The following CDKL5 variants were observed in gnomAD, a reference collection of about 807,000 sequenced individuals.
CDKL5 encodes cyclin-dependent kinase-like 5.
CDKL5 carries 8 observed loss-of-function variants against 61.7 expected under a neutral mutation model. The observed-to-expected ratio is 0.13, with a 90% CI of 0.08 to 0.23. The LOEUF (loss-of-function observed/expected upper bound fraction) is 0.23, where lower values mean the gene tolerates loss of function less well. Among genes scored for constraint, CDKL5 ranks in the 10% least tolerant of loss-of-function variants. CDKL5 has a pLI of 1.00. For synonymous variants in CDKL5, 275 were observed against 272.3 expected, an observed-to-expected ratio of 1.01 and a Z score of -0.10; for missense variants, 440 against 734.5, an observed-to-expected ratio of 0.60 and a Z score of 4.63.
chrX:18,650,685 C>A, intron 21 of CDKL5: 1 of 994,579 alleles, frequency 1.0e-6, no homozygotes, highest in Non-Finnish European at 1.4e-6. Context: ...CAGGCCACAC[C>A]CCCAGGGATT....
chrX:18,649,349 C>G (rs1174649669), intron 20 of CDKL5, among the ~76,000 whole-genome samples: 1 of 111,841 alleles, frequency 8.9e-6, no homozygotes, highest in Non-Finnish European at 1.9e-5. Flanking sequence ...ATCCTCCCAC[C>G]TCATTCTCCT....
chrX:18,643,427 G>T (rs1036629593), downstream of CDKL5, among the ~76,000 whole-genome samples: 4 of 111,331 alleles, frequency 3.6e-5, no homozygotes, highest in African/African-American at 1.3e-4. Flanking sequence ...CAGGAGCCAG[G>T]TGAAGAGAGG....
intron 14 of CDKL5, among the ~76,000 whole-genome samples, chrX:18,612,666 AAAG>A (rs1231247564): frequency 9.3e-6 from 1 of 107,917 alleles, no homozygotes; most frequent in African/African-American, 3.4e-5. Flanking sequence ...AAAAAAAAAA[AAAG>A]AGAGAGAGAA....
intron 3 of CDKL5, among the ~76,000 whole-genome samples, chrX:18,553,225 A>G (rs199682338): frequency 9.0e-6 from 1 of 111,297 alleles, no homozygotes; most frequent in African/African-American, 3.3e-5. Flanking sequence ...ACTGAGATAT[A>G]TGGGACAGGA....
intron 1 of CDKL5, among the ~76,000 whole-genome samples, chrX:18,427,194 G>T (rs1200372113): frequency 1.8e-5 from 2 of 110,375 alleles, no homozygotes; most frequent in Non-Finnish European, 3.8e-5. Flanking sequence ...AGAATTTTTG[G>T]CGTTGACACT....
intron 2 of CDKL5, among the ~76,000 whole-genome samples, chrX:18,509,197 G>GCACACGCGCACACA (rs1555940192): frequency 3.6e-4 from 23 of 64,314 alleles, no homozygotes; most frequent in African/African-American, 1.2e-3. Context: ...CTCAAAACAC[G>GCACACGCGCACACA]CACACACACA....
intron 1 of CDKL5, among the ~76,000 whole-genome samples, chrX:18,496,800 A>G (rs1922189756): frequency 9.0e-6 from 1 of 110,545 alleles, no homozygotes; most frequent in South Asian, 3.9e-4. Flanking sequence ...GCCTGACCTT[A>G]GGTGTTGTTT....
chrX:18,618,183 C>A (rs565853727), intron 15 of CDKL5, among the ~76,000 whole-genome samples: 1 of 111,960 alleles, frequency 8.9e-6, no homozygotes, highest in Non-Finnish European at 1.9e-5. Flanking sequence ...GCTGGATTGG[C>A]AGAAAGCACT....
chrX:18,618,415 T>C (rs1452650642), intron 15 of CDKL5, among the ~76,000 whole-genome samples: 1 of 111,678 alleles, frequency 9.0e-6, no homozygotes, highest in Admixed American at 9.5e-5. Flanking sequence ...TCTCTGAGGC[T>C]CCTTTCCATC....
chrX:18,476,047 TTGAG>T (rs749526601), intron 1 of CDKL5, among the ~76,000 whole-genome samples: 5 of 112,041 alleles, frequency 4.5e-5, no homozygotes, highest in Admixed American at 1.9e-4. Flanking sequence ...GATAGGTTTC[TTGAG>T]TATTTTCTCT....
chrX:18,603,893 T>C lies in CDKL5; in HGVS notation c.978-9T>C. ...GGAAACTGATATACTTCTTTTGTTTTTAACATAGAAACCAAGCCGGCAAAA... is the reference window on the plus strand; with the variant it reads ...GGAAACTGATATACTTCTTTTGTTTCTAACATAGAAACCAAGCCGGCAAAA... On this transcript the variant is annotated splice_polypyrimidine_tract_variant and intron_variant, in intron 11 of 17. Coordinates refer to ENST00000623535, the MANE Select transcript of CDKL5 (RefSeq NM_001323289.2). The C allele has an allele frequency of 8.3e-7, 1 of 1,210,857 alleles. No individual in the cohort carries two copies. Among genetic ancestry groups the C allele is most frequent in the Non-Finnish European group, 1.1e-6 (1 of 894,623 alleles).
At chrX:18,538,031 G>T (rs763223704) in intron 3 of CDKL5, among the ~76,000 whole-genome samples, 4 of 111,790 alleles carry the variant, frequency 3.6e-5, no homozygotes, top group Admixed American at 9.5e-5. Context: ...TTTCCAGACT[G>T]GCTGTACAAT....
intron 1 of CDKL5, among the ~76,000 whole-genome samples, chrX:18,448,858 T>G (rs992396531): frequency 3.6e-5 from 4 of 111,752 alleles, no homozygotes; most frequent in Non-Finnish European, 7.5e-5. Flanking sequence ...TTTTTTAAAT[T>G]TATTTATTTA....
intron 3 of CDKL5, among the ~76,000 whole-genome samples, chrX:18,552,237 CA>C (rs777290725): frequency 3.6e-3 from 139 of 38,735 alleles, no homozygotes; most frequent in Admixed American, 0.011. Context: ...GACTCCGTCT[CA>C]AAAAAAAAAA....
Position 18,630,587 on chromosome X carries a change from C to G in CDKL5, c.*1830C>G, listed in dbSNP as rs1371952493. On this transcript the variant is annotated 3_prime_UTR_variant, in exon 18 of 18. Coordinates refer to ENST00000623535, the MANE Select transcript of CDKL5 (RefSeq NM_001323289.2). ...ATTATAAAGACTAAGGTCCTAGTTT[C>G]CCTGAAGCTTAAATTGTGCACATAT... 1 of 747,256 alleles carries G rather than the reference C, an allele frequency of 1.3e-6. No individual in the cohort carries two copies. Among genetic ancestry groups the G allele is most frequent in the Non-Finnish European group, 1.6e-6 (1 of 635,680 alleles). 61.6% of individuals were successfully genotyped at this position (747,256 alleles called of 1,213,427 possible). A position where few individuals can be genotyped will look rare whatever the true frequency, so the allele number is the denominator to read the frequency against.
intron 1 of CDKL5, among the ~76,000 whole-genome samples, chrX:18,431,274 G>C (rs979495882): frequency 8.9e-6 from 1 of 111,919 alleles, no homozygotes; most frequent in African/African-American, 3.2e-5. Context: ...ATCTTTTTCT[G>C]TAATCGATTA....
chrX:18,595,773 A>ATGGTATTTG (rs1925972498), intron 10 of CDKL5, among the ~76,000 whole-genome samples: 1 of 112,071 alleles, frequency 8.9e-6, no homozygotes, highest in Non-Finnish European at 1.9e-5. Flanking sequence ...ATTTTTTCTG[A>ATGGTATTTG]CATGGTATTT....
chrX:18,646,726 C>T (rs1047654082), intron 20 of CDKL5, among the ~76,000 whole-genome samples: 3 of 110,906 alleles, frequency 2.7e-5, no homozygotes, highest in East Asian at 5.7e-4. Context: ...GGTATCATCC[C>T]GACTCAGGGC....
intron 5 of CDKL5, among the ~76,000 whole-genome samples, chrX:18,579,046 C>T (rs148199711): frequency 0.011 from 1,230 of 111,185 alleles, 17 homozygotes; most frequent in African/African-American, 0.037. Flanking sequence ...ATAGTTTTGA[C>T]TTCATGGGCC....
Sources: gnomAD v4.1 joint callset for allele counts (sites outside exome capture counted in the v4.1 genomes callset) on GRCh38, gnomAD v4.1.1 for gene constraint, MANE v1.5 for transcripts, NCBI Gene and HGNC (gene_info 2026-07-23, HGNC 2026-07-21) for gene names.